Variants in NUP88 observed in about 807,000 individuals in gnomAD.
NUP88 encodes the protein nuclear pore complex protein Nup88.
A neutral mutation model predicts 93.9 loss-of-function variants in NUP88; 57 were observed. That is an observed-to-expected ratio of 0.61 (90% CI 0.49 to 0.76). The LOEUF (loss-of-function observed/expected upper bound fraction) is 0.76, where lower values mean the gene tolerates loss of function less well. NUP88 is among the 30% of genes least tolerant of loss of function. The pLI, the probability that NUP88 is intolerant of heterozygous loss-of-function variation, is 0.00. For synonymous variants in NUP88, 346 were observed against 336.8 expected (o/e 1.03, Z -0.30); for missense variants, 911 against 901.0 (o/e 1.01, Z -0.14).
chr17:5,385,995 A>G lies in NUP88; in HGVS notation c.*211T>C. The G allele has an allele frequency of 2.0e-6, 1 of 502,660 alleles. No homozygotes were observed. Among genetic ancestry groups the G allele is most frequent in the Non-Finnish European group, 3.5e-6 (1 of 288,152 alleles). The allele number at this position is 502,660 out of a possible 1,614,324, so 31.1% of individuals were successfully genotyped here. A position where few individuals can be genotyped will look rare whatever the true frequency, so the allele number is the denominator to read the frequency against. Reference sequence around the variant, plus strand: ...TGAAATAATCCTGAGTCCTTGCTGAACACAACTGTAGGCTTGAGTTATAAA... The same window carrying G: ...TGAAATAATCCTGAGTCCTTGCTGAGCACAACTGTAGGCTTGAGTTATAAA... On this transcript the variant is annotated 3_prime_UTR_variant, in exon 17 of 17. Coordinates refer to ENST00000573584, the MANE Select transcript of NUP88 (RefSeq NM_002532.6).
At chr17:5,391,497 T>C in intron 10 of NUP88, 64 bp downstream of exon 10, 1 of 1,374,354 alleles carries the variant, frequency 7.3e-7, no homozygotes, top group Non-Finnish European at 1.0e-6. Flanking sequence ...ACTGAGTGCA[T>C]TTTCCCAACT....
chr17:5,401,391 AC>A (rs59855868), intron 7 of NUP88, among the ~76,000 whole-genome samples: 65,197 of 150,792 alleles, frequency 0.43, 14,730 homozygotes, highest in East Asian at 0.83. Context: ...TCAAAAAAAA[AC>A]ACAAAATAAT....
At chr17:5,419,296 C>G (rs1914435313) in intron 1 of NUP88, 58 bp downstream of exon 1, 6 of 1,490,430 alleles carry the variant, frequency 4.0e-6, no homozygotes, top group Non-Finnish European at 5.4e-6. Flanking sequence ...GAGCAAGGAA[C>G]AAAAAAGACT....
chr17:5,415,734 C>T (rs1914096625), intron 2 of NUP88, among the ~76,000 whole-genome samples: 1 of 152,184 alleles, frequency 6.6e-6, no homozygotes, highest in African/African-American at 2.4e-5. Flanking sequence ...GCAATAAATC[C>T]ATTTTCAACT....
At chr17:5,392,800 G>GT (rs911039418) in intron 9 of NUP88, among the ~76,000 whole-genome samples, 11 of 152,214 alleles carry the variant, frequency 7.2e-5, no homozygotes, top group African/African-American at 2.4e-4. Context: ...GGATTTTGGG[G>GT]TTTTTTTGAG....
At chr17:5,403,362 A>G (rs1239402391) in intron 7 of NUP88, among the ~76,000 whole-genome samples, 1 of 152,212 alleles carries the variant, frequency 6.6e-6, no homozygotes, top group Non-Finnish European at 1.5e-5. Flanking sequence ...CTGTAGTCCC[A>G]GCTACTAGGG....
rs575059280 is a variant in NUP88, at chr17:5,407,448, TC to T, written c.857+1284del. Among the ~76,000 whole-genome samples the T allele has an allele frequency of 2.2e-3, 340 of 152,298 alleles. 2 individuals carry two copies. Among genetic ancestry groups the T allele is most frequent in the Non-Finnish European group, 4.2e-3 (283 of 68,018 alleles). On this transcript the variant is annotated intron_variant, in intron 5 of 16. Coordinates refer to ENST00000573584, the MANE Select transcript of NUP88 (RefSeq NM_002532.6). ...GGAACCTTGCCTTCAATCTTGTATT[TC>T]CATCTTCTGCCAGAGTGGGTCCTGA...
rs1054671976 is a variant in NUP88 at position 5,391,574 on chromosome 17, T to C, written c.1471A>G (p.Ile491Val). 1 of 1,612,866 alleles carries C rather than the reference T, an allele frequency of 6.2e-7. No individual in the cohort carries two copies. Among genetic ancestry groups the C allele is most frequent in the South Asian group, 1.1e-5 (1 of 91,062 alleles). The change falls in exon 10 of 17, where the codon ATA becomes GTA. Residue 491 changes from isoleucine (I) to valine (V), a missense_variant. Coordinates refer to ENST00000573584, the MANE Select transcript of NUP88 (RefSeq NM_002532.6). ...AATGGGACGTACAATAACGGCCATA[T>C]GAGGCATTCATAGGTACTGGTGATG... The part of the protein sequence containing the change: ...ICITSTYECL[I>V]WPLLSTVHPA...
Position 5,394,942 on chromosome 17 carries a change from T to G in NUP88, c.1331A>C (p.Glu444Ala). 1 of 1,613,734 alleles carries G rather than the reference T, an allele frequency of 6.2e-7. No individual in the cohort carries two copies. Among genetic ancestry groups the G allele is most frequent in the South Asian group, 1.1e-5 (1 of 91,070 alleles). ...DKDSLQELST[E>A]QKCFVEHILC... ...GATGTGTTCAACAAAGCATTTCTGT[T>G]CTGTAGAGAGTTCCTGTAAACTATC... Residue 444 changes from glutamate (E) to alanine (A), a missense_variant, in exon 9 of 17, where the codon GAA (glutamate) becomes GCA (alanine). Physicochemically the swap from Glu to Ala is moderately radical, Grantham distance 107. Transcript: ENST00000573584.
intron 7 of NUP88, among the ~76,000 whole-genome samples, chr17:5,401,375 T>G (rs958880295): frequency 5.9e-5 from 8 of 136,112 alleles, no homozygotes; most frequent in African/African-American, 1.6e-4. Flanking sequence ...AGAGCGAAAC[T>G]CCGTCTCAAA....
chr17:5,393,996 G>A (rs1372800975), intron 9 of NUP88, among the ~76,000 whole-genome samples: 3 of 152,112 alleles, frequency 2.0e-5, no homozygotes, highest in Non-Finnish European at 4.4e-5. Context: ...GCACCCTTCA[G>A]AAAAATGGGA....
chr17:5,393,561 C>T (rs955883244), intron 9 of NUP88, among the ~76,000 whole-genome samples: 6 of 151,672 alleles, frequency 4.0e-5, no homozygotes, highest in African/African-American at 7.3e-5. Context: ...CTCAGCCTCC[C>T]GAGTAGCTGG....
chr17:5,417,795 C>A (rs1914248827), intron 1 of NUP88, among the ~76,000 whole-genome samples: 1 of 152,114 alleles, frequency 6.6e-6, no homozygotes, highest in Non-Finnish European at 1.5e-5. Flanking sequence ...GCTGAGATTG[C>A]ACCACTGCAC....
At position 5,385,765 on chromosome 17, in the gene NUP88, GTCC is replaced by G. The variant is rs1484882699; in HGVS notation, c.*438_*440del. ...CATTTGTTAACTGTACTGAAGGTGT[GTCC>G]TCAAGAAGAAAGTGTTCAAATTAAA... On this transcript the variant is annotated 3_prime_UTR_variant, in exon 17 of 17. Coordinates refer to ENST00000573584, the MANE Select transcript of NUP88 (RefSeq NM_002532.6). 4.3e-6 allele frequency: 1 copy of G among 233,530 alleles called. No homozygotes were observed. The highest frequency in any genetic ancestry group is 2.2e-5 in the African/African-American group (1 of 45,296). The allele number at this position is 233,530 out of a possible 1,614,324, so 14.5% of individuals were successfully genotyped here.
intron 2 of NUP88, among the ~76,000 whole-genome samples, chr17:5,414,924 G>A (rs974208993): frequency 6.6e-6 from 1 of 151,666 alleles, no homozygotes; most frequent in Non-Finnish European, 1.5e-5. Context: ...CTGAGATCAC[G>A]CCACTGCACT....
intron 15 of NUP88, 79 bp from the exon 16 acceptor site, chr17:5,386,905 T>G: frequency 6.3e-7 from 1 of 1,593,328 alleles, no homozygotes; most frequent in South Asian, 1.1e-5. Flanking sequence ...CTGTTCTTTT[T>G]ACATTTTTGT....
chr17:5,395,593 A>G (rs1461420211), intron 8 of NUP88, among the ~76,000 whole-genome samples: 2 of 151,658 alleles, frequency 1.3e-5, no homozygotes, highest in Middle Eastern at 3.2e-3. Flanking sequence ...CAGTGGCCCA[A>G]TCTCTGCTCA....
chr17:5,415,591 C>A (rs751638204), intron 2 of NUP88, among the ~76,000 whole-genome samples: 3 of 152,188 alleles, frequency 2.0e-5, no homozygotes, highest in Non-Finnish European at 4.4e-5. Flanking sequence ...CCCAACTTTA[C>A]AATGGGTTTA....
intron 9 of NUP88, among the ~76,000 whole-genome samples, chr17:5,393,145 C>G (rs886511533): frequency 6.6e-6 from 1 of 151,706 alleles, no homozygotes; most frequent in Admixed American, 6.6e-5. Context: ...TTAGTAGAGA[C>G]GGGGTTTCAC....
Sources: gnomAD v4.1 joint callset for allele counts (sites outside exome capture counted in the v4.1 genomes callset) on GRCh38, gnomAD v4.1.1 for gene constraint, MANE v1.5 for transcripts, NCBI Gene and HGNC (gene_info 2026-07-23, HGNC 2026-07-21) for gene names.